Variants in HLCS observed in about 807,000 individuals in gnomAD.
HLCS encodes holocarboxylase synthetase.
Under a neutral mutation model 75.0 loss-of-function variants are expected in HLCS, and 53 were observed. The ratio of observed to expected loss-of-function variants is 0.71; its 90% confidence interval spans 0.57 to 0.89. The LOEUF (loss-of-function observed/expected upper bound fraction) is 0.89. HLCS is among the 40% of genes least tolerant of loss of function. The pLI, the probability that HLCS is intolerant of heterozygous loss-of-function variation, is 0.00. For missense variants in HLCS, 966 were observed against 1,074.0 expected, an observed-to-expected ratio of 0.90 and a Z score of 1.41; for synonymous variants, 431 against 428.6, an observed-to-expected ratio of 1.01 and a Z score of -0.07.
chr21:36,825,697 C>T (rs1198623495), intron 6 of HLCS, among the ~76,000 whole-genome samples: 3 of 152,182 alleles, frequency 2.0e-5, no homozygotes, highest in Admixed American at 6.5e-5. Flanking sequence ...CCTGATGTCA[C>T]CTGCAGGCCA....
chr21:36,976,059 C>G (rs2068928705), intron 1 of HLCS, among the ~76,000 whole-genome samples: 1 of 152,162 alleles, frequency 6.6e-6, no homozygotes, highest in Admixed American at 6.5e-5. Flanking sequence ...CAAAGTCCTT[C>G]TCTGGATAAA....
At chr21:36,977,628 G>C (rs771274906) in intron 1 of HLCS, among the ~76,000 whole-genome samples, 18 of 152,232 alleles carry the variant, frequency 1.2e-4, no homozygotes, top group Non-Finnish European at 2.4e-4. Flanking sequence ...TTGAGCCTGT[G>C]TGAGTTGCCG....
intron 1 of HLCS, chr21:36,973,799 A>G (rs8129634): frequency 0.62 from 93,722 of 152,004 alleles, 29,203 homozygotes; most frequent in East Asian, 0.75. Context: ...GAGATCAGCT[A>G]GCCAACATGG....
At chr21:36,942,609 C>CAA (rs1751015594) in intron 2 of HLCS, among the ~76,000 whole-genome samples, 1 of 152,000 alleles carries the variant, frequency 6.6e-6, no homozygotes, top group Non-Finnish European at 1.5e-5. Context: ...AAAACAGAAG[C>CAA]AACAAAAGAA....
intron 4 of HLCS, among the ~76,000 whole-genome samples, chr21:36,933,342 G>A (rs2066731517): frequency 6.6e-6 from 1 of 151,942 alleles, no homozygotes; most frequent in Non-Finnish European, 1.5e-5. Flanking sequence ...CTGATGTCAG[G>A]AGTTCGAAAC....
At chr21:36,932,614 G>A (rs2066696844) in intron 4 of HLCS, among the ~76,000 whole-genome samples, 1 of 152,198 alleles carries the variant, frequency 6.6e-6, no homozygotes, top group South Asian at 2.1e-4. Context: ...GAGCATTGAA[G>A]CCTGGAGGTT....
intron 1 of HLCS, among the ~76,000 whole-genome samples, chr21:36,984,580 T>C (rs1652082681): frequency 6.6e-6 from 1 of 152,178 alleles, no homozygotes; most frequent in Non-Finnish European, 1.5e-5. Flanking sequence ...ATGAATTATG[T>C]TCTCACTTCT....
At chr21:36,963,601 A>G (rs1375318503) in intron 1 of HLCS, among the ~76,000 whole-genome samples, 1 of 152,106 alleles carries the variant, frequency 6.6e-6, no homozygotes, top group African/African-American at 2.4e-5. Flanking sequence ...AAAAATACAA[A>G]ATTAGCCGGG....
chr21:36,751,964 T>G lies in HLCS; in HGVS notation c.*2282A>C, dbSNP rs1162087052. 1 of 152,584 alleles carries G rather than the reference T, an allele frequency of 6.6e-6. No homozygotes were observed. The highest frequency in any genetic ancestry group is 1.5e-5 in the Non-Finnish European group (1 of 68,016). The allele number at this position is 152,584 out of a possible 1,614,324, so 9.5% of individuals were successfully genotyped here. On this transcript the variant is annotated 3_prime_UTR_variant, in exon 11 of 11. Transcript: ENST00000674895. ...TTCCCATTAAGACTTTAAAGCTCCT[T>G]GAGATCCCAGGTTGCGGGGTGCATA...
chr21:36,822,630 T>A (rs2061881371), intron 6 of HLCS, among the ~76,000 whole-genome samples: 1 of 152,240 alleles, frequency 6.6e-6, no homozygotes, highest in Non-Finnish European at 1.5e-5. Flanking sequence ...CACATATACA[T>A]ATGCCCTTTC....
intron 1 of HLCS, among the ~76,000 whole-genome samples, chr21:36,984,475 G>A (rs1002196113): frequency 6.6e-6 from 1 of 152,242 alleles, no homozygotes; most frequent in South Asian, 2.1e-4. Flanking sequence ...GGGAGAATCT[G>A]CTGGACAAAG....
chr21:36,891,594 G>A (rs1206396259), intron 6 of HLCS, among the ~76,000 whole-genome samples: 1 of 152,154 alleles, frequency 6.6e-6, no homozygotes, highest in Non-Finnish European at 1.5e-5. Context: ...ATCGAGTCCT[G>A]ACCTTCTATA....
At position 36,962,093 on chromosome 21, in the gene HLCS, C is replaced by G. The variant is rs1220543511; in HGVS notation, c.273G>C (p.Val91=). 7.8e-7 allele frequency: 1 copy of G among 1,289,412 alleles called. No homozygotes were observed. Among genetic ancestry groups the G allele is most frequent in the African/African-American group, 1.5e-5 (1 of 65,966 alleles). 79.9% of individuals were successfully genotyped at this position (1,289,412 alleles called of 1,614,324 possible). ...FILEAEHIAF[V]TESIWVQSEN... The stretch of plus-strand genomic sequence containing the variant: ...CACTTTGTACCCAAATGCTCTCCGT[C>G]ACAAATGCTATGTGTTCTGCTTCAA... Residue 91 remains valine (V), a synonymous_variant, in exon 2 of 11, where the codon GTG becomes GTC. Coordinates refer to ENST00000674895, the MANE Select transcript of HLCS (RefSeq NM_001352514.2).
chr21:36,807,510 T>C (rs2061394582), intron 6 of HLCS, among the ~76,000 whole-genome samples: 1 of 152,170 alleles, frequency 6.6e-6, no homozygotes, highest in African/African-American at 2.4e-5. Flanking sequence ...GGGCCCACTG[T>C]TAATAACTCA....
intron 6 of HLCS, among the ~76,000 whole-genome samples, chr21:36,886,613 G>A (rs1020652236): frequency 1.3e-5 from 2 of 152,248 alleles, no homozygotes; most frequent in Non-Finnish European, 2.9e-5. Context: ...TTGTCCAATA[G>A]TAAAATGATA....
intron 6 of HLCS, among the ~76,000 whole-genome samples, chr21:36,824,392 A>G (rs2061943895): frequency 6.6e-6 from 1 of 152,196 alleles, no homozygotes; most frequent in Non-Finnish European, 1.5e-5. Context: ...CTCAACAATG[A>G]GAACACATGG....
chr21:36,833,015 C>G (rs1353573793), intron 6 of HLCS, among the ~76,000 whole-genome samples: 3 of 151,590 alleles, frequency 2.0e-5, no homozygotes, highest in Non-Finnish European at 2.9e-5. Context: ...ACAGAGGCCA[C>G]ACAGCACCCA....
chr21:36,782,422 T>G (rs1158149784), intron 6 of HLCS, among the ~76,000 whole-genome samples: 2 of 152,172 alleles, frequency 1.3e-5, no homozygotes, highest in Non-Finnish European at 2.9e-5. Context: ...TTTATATTAA[T>G]GTGGACTACA....
intron 6 of HLCS, among the ~76,000 whole-genome samples, chr21:36,818,305 C>T (rs571747957): frequency 6.6e-6 from 1 of 152,176 alleles, no homozygotes; most frequent in African/African-American, 2.4e-5. Context: ...GACCCTCCCG[C>T]GAGGAGCACA....
Sources: gnomAD v4.1 joint callset for allele counts (sites outside exome capture counted in the v4.1 genomes callset) on GRCh38, gnomAD v4.1.1 for gene constraint, MANE v1.5 for transcripts, NCBI Gene and HGNC (gene_info 2026-07-23, HGNC 2026-07-21) for gene names.